SIPA1L3: variants seen among roughly 807,000 people sequenced by gnomAD.
SIPA1L3 encodes the protein signal-induced proliferation-associated 1-like protein 3.
A neutral mutation model predicts 150.1 loss-of-function variants in SIPA1L3; 59 were observed. That is an observed-to-expected ratio of 0.39 (90% confidence interval 0.32 to 0.49). SIPA1L3 has a LOEUF of 0.49. Ranked by LOEUF, SIPA1L3 falls within the 20% of genes least tolerant of loss-of-function variation. SIPA1L3 has a pLI of 0.86. For missense variants in SIPA1L3, 2,211 were observed against 2,489.5 expected (o/e 0.89, Z 2.38); for synonymous variants, 1,070 against 1,077.6 (o/e 0.99, Z 0.14).
At chr19:37,965,537 A>G (rs1050170666) in intron 1 of SIPA1L3, among the ~76,000 whole-genome samples, 3 of 151,954 alleles carry the variant, frequency 2.0e-5, no homozygotes, top group African/African-American at 4.8e-5. Flanking sequence ...GATGGTCTCA[A>G]TCTCCTAACC....
intron 9 of SIPA1L3, among the ~76,000 whole-genome samples, chr19:38,122,916 G>A (rs1426215247): frequency 6.6e-6 from 1 of 152,168 alleles, no homozygotes; most frequent in Admixed American, 6.6e-5. Context: ...CTGGCTTGGA[G>A]CACATTCACG....
At chr19:38,104,842 A>T (rs1254253900) in intron 6 of SIPA1L3, among the ~76,000 whole-genome samples, 1 of 151,580 alleles carries the variant, frequency 6.6e-6, no homozygotes, top group African/African-American at 2.4e-5. Flanking sequence ...AAGTGCTAGG[A>T]TTACAGGTGT....
At chr19:38,154,978 C>CTTGA in intron 13 of SIPA1L3, among the ~76,000 whole-genome samples, 1 of 152,208 alleles carries the variant, frequency 6.6e-6, no homozygotes, top group Middle Eastern at 3.4e-3. Context: ...CAAGGCTGGT[C>CTTGA]TTGAACTCCT....
At chr19:38,198,045 T>C (rs1443357203) in intron 18 of SIPA1L3, among the ~76,000 whole-genome samples, 1 of 152,094 alleles carries the variant, frequency 6.6e-6, no homozygotes, top group Non-Finnish European at 1.5e-5. Flanking sequence ...CTCCCAGCCA[T>C]AGGGGCCGCC....
At position 38,114,194 on chromosome 19, in the gene SIPA1L3, G is replaced by A. The variant is rs568849856; in HGVS notation, c.2291+3810G>A. 1.4e-4 allele frequency among the ~76,000 whole-genome samples: 22 copies of A among 152,224 alleles called. No individual in the cohort carries two copies. The South Asian group carries it at 4.6e-3, about 32-fold the overall frequency. Reference sequence around the variant, plus strand: ...CCAGCACTTTGGGAGGCCAAGGTAGGTGGATCACCTGAGATCGGGAGTTCA... The same window carrying A: ...CCAGCACTTTGGGAGGCCAAGGTAGATGGATCACCTGAGATCGGGAGTTCA... On this transcript the variant is annotated intron_variant, in intron 8 of 21. Coordinates refer to ENST00000222345, the MANE Select transcript of SIPA1L3 (RefSeq NM_015073.3).
intron 6 of SIPA1L3, among the ~76,000 whole-genome samples, chr19:38,104,871 A>C (rs1970586496): frequency 1.3e-5 from 2 of 151,242 alleles, no homozygotes; most frequent in Non-Finnish European, 1.5e-5. Context: ...GCGCCTGGCC[A>C]GGAAGTGGGT....
At chr19:38,176,681 T>C (rs1204926651) in intron 15 of SIPA1L3, among the ~76,000 whole-genome samples, 2 of 152,172 alleles carry the variant, frequency 1.3e-5, no homozygotes, top group African/African-American at 2.4e-5. Context: ...CTTTCAAACA[T>C]ACCACTTAGG....
intron 5 of SIPA1L3, among the ~76,000 whole-genome samples, 170 bp downstream of exon 5, chr19:38,100,320 G>A (rs1970472844): frequency 6.6e-6 from 1 of 152,204 alleles, no homozygotes; most frequent in East Asian, 1.9e-4. Flanking sequence ...GTGGTGCCAA[G>A]AGCAAGAATG....
intron 13 of SIPA1L3, among the ~76,000 whole-genome samples, chr19:38,154,763 A>ATTTTT (rs372517508): frequency 7.7e-6 from 1 of 129,746 alleles, no homozygotes; most frequent in African/African-American, 2.8e-5. Flanking sequence ...TTTATTATTC[A>ATTTTT]TTTTTTTTTT....
chr19:37,980,783 A>G (rs1476768691), intron 1 of SIPA1L3, among the ~76,000 whole-genome samples: 1 of 152,218 alleles, frequency 6.6e-6, no homozygotes, highest in African/African-American at 2.4e-5. Flanking sequence ...CATATGACCA[A>G]GGAGAGGCCA....
At chr19:38,000,977 ATAACAC>A in intron 1 of SIPA1L3, among the ~76,000 whole-genome samples, 2 of 137,630 alleles carry the variant, frequency 1.5e-5, no homozygotes, top group Admixed American at 1.6e-4. Flanking sequence ...TATAACATAT[ATAACAC>A]ACATATATAT....
chr19:38,151,242 A>G (rs956753333), intron 12 of SIPA1L3, among the ~76,000 whole-genome samples: 9 of 152,218 alleles, frequency 5.9e-5, no homozygotes, highest in African/African-American at 2.2e-4. Flanking sequence ...TTTCAGTCAG[A>G]CGGTGCTGGG....
chr19:37,919,990 A>C (rs2046444821), intron 1 of SIPA1L3, among the ~76,000 whole-genome samples: 1 of 151,378 alleles, frequency 6.6e-6, no homozygotes, highest in Non-Finnish European at 1.5e-5. Flanking sequence ...GATTACAGGC[A>C]TGAGCGACTG....
chr19:38,000,958 T>A (rs201682667), intron 1 of SIPA1L3, among the ~76,000 whole-genome samples: 14 of 57,322 alleles, frequency 2.4e-4, no homozygotes, highest in South Asian at 1.1e-3. Flanking sequence ...AACACACATA[T>A]AACACATATA....
intron 1 of SIPA1L3, among the ~76,000 whole-genome samples, chr19:37,995,783 G>A (rs1967626994): frequency 6.6e-6 from 1 of 152,210 alleles, no homozygotes; most frequent in African/African-American, 2.4e-5. Context: ...TAGGAGGGGA[G>A]CTTCAGATGC....
At chr19:38,190,486 C>T (rs1972783909) in intron 16 of SIPA1L3, among the ~76,000 whole-genome samples, 1 of 152,244 alleles carries the variant, frequency 6.6e-6, no homozygotes, top group Admixed American at 6.5e-5. Flanking sequence ...TATGACCTGA[C>T]CAGGAAAAAA....
intron 2 of SIPA1L3, among the ~76,000 whole-genome samples, chr19:38,055,024 G>T (rs1174162923): frequency 6.6e-6 from 1 of 152,206 alleles, no homozygotes; most frequent in Non-Finnish European, 1.5e-5. Flanking sequence ...ACTGATTCGG[G>T]GTGCTGCTGT....
At chr19:38,058,749 G>A (rs1463272344) in intron 2 of SIPA1L3, among the ~76,000 whole-genome samples, 3 of 152,196 alleles carry the variant, frequency 2.0e-5, no homozygotes, top group African/African-American at 7.2e-5. Flanking sequence ...TCTTGGCCAG[G>A]TGCGGTGGCT....
chr19:38,167,147 C>A (rs1406914861), intron 15 of SIPA1L3, among the ~76,000 whole-genome samples: 1 of 143,810 alleles, frequency 7.0e-6, no homozygotes, highest in Non-Finnish European at 1.5e-5. Flanking sequence ...GCAGGAGAAT[C>A]GCTTGAATCT....
Sources: allele counts gnomAD v4.1 joint callset (sites outside exome capture counted in the v4.1 genomes callset), GRCh38; gene constraint gnomAD v4.1.1; transcripts MANE v1.5; gene names NCBI Gene and HGNC (gene_info 2026-07-23, HGNC 2026-07-21).